Variants in ITFG1 observed in about 807,000 individuals in gnomAD.
The protein encoded by ITFG1 is T-cell immunomodulatory protein.
Under a neutral mutation model 81.8 loss-of-function variants are expected in ITFG1, and 34 were observed. The observed-to-expected ratio is 0.42, with a 90% CI of 0.32 to 0.55. The LOEUF is 0.55. ITFG1 is among the 20% of genes least tolerant of loss of function. ITFG1 has a pLI of 0.17. For missense variants in ITFG1, 672 were observed against 755.4 expected (o/e 0.89, Z 1.29); for synonymous variants, 285 against 270.6 (o/e 1.05, Z -0.52).
chr16:47,324,901 C>A (rs1356563606), intron 8 of ITFG1, among the ~76,000 whole-genome samples: 3 of 152,140 alleles, frequency 2.0e-5, no homozygotes, highest in East Asian at 1.9e-4. Context: ...TTTAACACCC[C>A]ACTGTCAACA....
intron 13 of ITFG1, among the ~76,000 whole-genome samples, chr16:47,226,133 G>C (rs979227901): frequency 6.6e-6 from 1 of 152,186 alleles, no homozygotes; most frequent in Non-Finnish European, 1.5e-5. Context: ...CTAAAATTAA[G>C]CTGGATTAAT....
intron 14 of ITFG1, among the ~76,000 whole-genome samples, chr16:47,203,237 A>C (rs1164161114): frequency 6.6e-6 from 1 of 152,226 alleles, no homozygotes; most frequent in Non-Finnish European, 1.5e-5. Flanking sequence ...GAAATAAACC[A>C]GTCACAAAAA....
Position 47,461,035 on chromosome 16 carries a change from G to T in ITFG1, c.11C>A (p.Ala4Glu). The T allele has an allele frequency of 1.9e-6, 3 of 1,540,564 alleles. No individual in the cohort carries two copies. The highest frequency in any genetic ancestry group is 1.4e-5 in the African/African-American group (1 of 72,940). The change falls in exon 1 of 18, where the codon GCG (alanine) becomes GAG (glutamate). Residue 4 changes from alanine to glutamate, a missense_variant. Ala to Glu is a moderately radical substitution (Grantham distance 107). Coordinates refer to ENST00000320640, the MANE Select transcript of ITFG1 (RefSeq NM_030790.5). Reference protein sequence around the residue: MAAAGRLPSSWALF... With the variant: MAAEGRLPSSWALF... ...GGCCCAGGAGCTCGGGAGCCGGCCC[G>T]CCGCCGCCATGGCAGCCCCTCAGCC...
chr16:47,438,851 T>C (rs754158499), intron 5 of ITFG1, among the ~76,000 whole-genome samples: 1 of 151,422 alleles, frequency 6.6e-6, no homozygotes, highest in Non-Finnish European at 1.5e-5. Flanking sequence ...CTTTGACGAG[T>C]TGAGAGAGGA....
At chr16:47,281,411 G>C (rs1259732547) in intron 10 of ITFG1, among the ~76,000 whole-genome samples, 1 of 152,160 alleles carries the variant, frequency 6.6e-6, no homozygotes, top group African/African-American at 2.4e-5. Flanking sequence ...GTTGAATTGA[G>C]AAGTGTCCCT....
intron 8 of ITFG1, among the ~76,000 whole-genome samples, chr16:47,324,174 C>T (rs2151569955): frequency 6.6e-6 from 1 of 151,978 alleles, no homozygotes; most frequent in Middle Eastern, 3.4e-3. Context: ...AGAGTGGGGG[C>T]CAATATTCAA....
intron 6 of ITFG1, among the ~76,000 whole-genome samples, chr16:47,396,524 T>TGTGTGTGTGTGTGTGTGTGTATGTG (rs1555514103): frequency 1.3e-5 from 2 of 149,104 alleles, no homozygotes; most frequent in African/African-American, 5.0e-5. Context: ...AATAATTATT[T>TGTGTGTGTGTGTGTGTGTGTATGTG]TGTGTGTGTG....
intron 8 of ITFG1, among the ~76,000 whole-genome samples, chr16:47,342,394 C>T (rs1967795949): frequency 6.6e-6 from 1 of 152,052 alleles, no homozygotes. Context: ...GAACCCACAG[C>T]TAATATACTC....
At chr16:47,321,486 CTT>C (rs1277074562) in intron 8 of ITFG1, among the ~76,000 whole-genome samples, 2 of 151,970 alleles carry the variant, frequency 1.3e-5, no homozygotes, top group Non-Finnish European at 2.9e-5. Flanking sequence ...AAGAATATAA[CTT>C]TATATTTTTC....
intron 8 of ITFG1, among the ~76,000 whole-genome samples, chr16:47,330,728 ATATCAC>A (rs1042160252): frequency 1.3e-5 from 2 of 152,146 alleles, no homozygotes; most frequent in Admixed American, 1.3e-4. Flanking sequence ...AAAATGCTCA[ATATCAC>A]TAATCATCAG....
At chr16:47,220,160 T>C (rs1965674756) in intron 13 of ITFG1, among the ~76,000 whole-genome samples, 1 of 152,208 alleles carries the variant, frequency 6.6e-6, no homozygotes, top group Non-Finnish European at 1.5e-5. Flanking sequence ...AGGCCAGTCA[T>C]TTTGATATTT....
At chr16:47,438,180 C>T (rs1462798005) in intron 5 of ITFG1, among the ~76,000 whole-genome samples, 2 of 152,222 alleles carry the variant, frequency 1.3e-5, no homozygotes, top group South Asian at 2.1e-4. Context: ...AACAAAGCGT[C>T]CTGGAAGCTC....
Position 47,207,319 on chromosome 16 carries a change from C to T in ITFG1, c.1453+11549G>A, listed in dbSNP as rs530282740. Among the ~76,000 whole-genome samples the T allele has an allele frequency of 1.1e-4, 17 of 152,198 alleles. No individual in the cohort carries two copies. The South Asian group carries it at 3.3e-3, about 30-fold the overall frequency. ...CAGGATGGTCTCGATCTCCTGACCT[C>T]GTGATCCGCCCATCTCGGCCTCCCA... On this transcript the variant is annotated intron_variant, in intron 14 of 17. Coordinates refer to ENST00000320640, the MANE Select transcript of ITFG1 (RefSeq NM_030790.5).
In ITFG1 at chr16:47,419,460, C is replaced by T. The variant is rs141657266; in HGVS notation, c.655+9344G>A. On this transcript the variant is annotated intron_variant, in intron 6 of 17. Transcript: ENST00000320640. ...ATTTTTTAGTACTTTTTTGTAAAGA[C>T]AGAGTTTTGCCATGTTGCCCAGGCT... Among the ~76,000 whole-genome samples the T allele has an allele frequency of 7.8e-3, 1,188 of 152,056 alleles. 10 individuals are homozygous for T. Among genetic ancestry groups the T allele is most frequent in the Non-Finnish European group, 0.012 (800 of 67,996 alleles).
chr16:47,438,214 C>G (rs1224583312), intron 5 of ITFG1, among the ~76,000 whole-genome samples: 1 of 152,218 alleles, frequency 6.6e-6, no homozygotes. Context: ...GCCACCACAG[C>G]TCAAGGAGGC....
chr16:47,198,285 A>T (rs1965382417), intron 14 of ITFG1, among the ~76,000 whole-genome samples: 1 of 152,218 alleles, frequency 6.6e-6, no homozygotes. Flanking sequence ...TTCAGTCAAC[A>T]ATGGACCACA....
intron 8 of ITFG1, among the ~76,000 whole-genome samples, chr16:47,321,742 CAA>C (rs1322341346): frequency 6.6e-6 from 1 of 152,020 alleles, no homozygotes; most frequent in Non-Finnish European, 1.5e-5. Context: ...TCATAGGAAA[CAA>C]CGATTATTAT....
At chr16:47,360,386 G>C (rs1445735460) in intron 8 of ITFG1, among the ~76,000 whole-genome samples, 1 of 152,008 alleles carries the variant, frequency 6.6e-6, no homozygotes, top group Non-Finnish European at 1.5e-5. Context: ...TTTTTGACTA[G>C]TGTTCAATGT....
chr16:47,311,499 C>A, intron 9 of ITFG1, 87 bp from the exon 10 acceptor site: 1 of 1,011,140 alleles, frequency 9.9e-7, no homozygotes. Context: ...ATTAAGTTTT[C>A]AAGATAAGCA....
Sources: gnomAD v4.1 joint callset for allele counts (sites outside exome capture counted in the v4.1 genomes callset) on GRCh38, gnomAD v4.1.1 for gene constraint, MANE v1.5 for transcripts, NCBI Gene and HGNC (gene_info 2026-07-23, HGNC 2026-07-21) for gene names.